The following RPS6KC1 variants were observed in gnomAD, a reference collection of about 807,000 sequenced individuals.
RPS6KC1 encodes inactive ribosomal protein S6 kinase delta-1.
Under a neutral mutation model 103.8 loss-of-function variants are expected in RPS6KC1, and 54 were observed. The observed-to-expected ratio is 0.52, with a 90% CI of 0.42 to 0.65. The LOEUF is 0.65. Ranked by LOEUF, RPS6KC1 falls within the 30% of genes least tolerant of loss-of-function variation. The pLI is 0.00. For missense variants in RPS6KC1, 1,151 were observed against 1,253.8 expected (o/e 0.92, Z 1.24); for synonymous variants, 439 against 438.7 (o/e 1.00, Z -0.01).
At chr1:213,100,331 C>G (rs957391961) in intron 3 of RPS6KC1, among the ~76,000 whole-genome samples, 3 of 151,960 alleles carry the variant, frequency 2.0e-5, no homozygotes, top group Non-Finnish European at 4.4e-5. Context: ...ATCTTAGACA[C>G]CAGTCGTTTG....
At chr1:213,595,302 C>T in the RPS6KC1 span, among the ~76,000 whole-genome samples, 1 of 152,180 alleles carries the variant, frequency 6.6e-6, no homozygotes, top group Non-Finnish European at 1.5e-5. Flanking sequence ...TTTCCACCTC[C>T]AACCATTATA....
At chr1:213,405,778 T>C in the RPS6KC1 span, among the ~76,000 whole-genome samples, 2 of 152,172 alleles carry the variant, frequency 1.3e-5, no homozygotes, top group African/African-American at 2.4e-5. Context: ...TGCCCATCTT[T>C]CCTCTTGTAT....
the RPS6KC1 span, among the ~76,000 whole-genome samples, chr1:213,380,496 T>TA: frequency 1.3e-5 from 2 of 151,658 alleles, no homozygotes; most frequent in Non-Finnish European, 2.9e-5. Context: ...AAATAAAAGT[T>TA]AAAAAAAAGA....
At chr1:213,255,172 T>A (rs2094613565) in intron 12 of RPS6KC1, among the ~76,000 whole-genome samples, 1 of 151,642 alleles carries the variant, frequency 6.6e-6, no homozygotes, top group South Asian at 2.1e-4. Context: ...CCAAGTGTGG[T>A]CCCATGCCTG....
At chr1:213,567,489 T>G in the RPS6KC1 span, among the ~76,000 whole-genome samples, 7 of 152,250 alleles carry the variant, frequency 4.6e-5, no homozygotes, top group Non-Finnish European at 4.4e-5. Context: ...ACTCTAGTTT[T>G]CAGTTCTCCC....
At chr1:213,199,296 G>A (rs1157520666) in intron 8 of RPS6KC1, among the ~76,000 whole-genome samples, 2 of 152,102 alleles carry the variant, frequency 1.3e-5, no homozygotes, top group Admixed American at 6.6e-5. Context: ...TATCCACCAC[G>A]ATCAAGTAGG....
At chr1:213,180,076 T>C (rs765405668) in intron 8 of RPS6KC1, among the ~76,000 whole-genome samples, 1 of 152,182 alleles carries the variant, frequency 6.6e-6, no homozygotes, top group Non-Finnish European at 1.5e-5. Context: ...GTTCTTCAAT[T>C]GGGATTATAA....
chr1:213,221,925 T>C (rs185764493), intron 8 of RPS6KC1, among the ~76,000 whole-genome samples: 2 of 152,356 alleles, frequency 1.3e-5, no homozygotes, highest in Admixed American at 1.3e-4. Flanking sequence ...CTGGTAGATT[T>C]GGTCTGTTTT....
At chr1:213,082,191 C>A (rs1040439274) in intron 3 of RPS6KC1, among the ~76,000 whole-genome samples, 1 of 151,810 alleles carries the variant, frequency 6.6e-6, no homozygotes, top group East Asian at 1.9e-4. Context: ...GAGGCGTAGT[C>A]GGGCAGATCA....
intron 6 of RPS6KC1, among the ~76,000 whole-genome samples, chr1:213,152,058 AC>A (rs1224480619): frequency 1.6e-5 from 2 of 122,996 alleles, no homozygotes; most frequent in Non-Finnish European, 3.4e-5. Flanking sequence ...CGGGGGGCTA[AC>A]CCCCCCACCT....
intron 1 of RPS6KC1, among the ~76,000 whole-genome samples, chr1:213,055,332 T>G (rs1453956232): frequency 6.6e-6 from 1 of 152,216 alleles, no homozygotes; most frequent in East Asian, 1.9e-4. Flanking sequence ...CACTTTTTTT[T>G]TTTGGTCTGG....
the RPS6KC1 span, among the ~76,000 whole-genome samples, chr1:213,755,296 G>A: frequency 6.6e-6 from 1 of 152,288 alleles, no homozygotes; most frequent in South Asian, 2.1e-4. Flanking sequence ...GCAACTGAAG[G>A]CTCCATGTCT....
At chr1:213,514,325 A>C in the RPS6KC1 span, among the ~76,000 whole-genome samples, 1 of 151,504 alleles carries the variant, frequency 6.6e-6, no homozygotes, top group Admixed American at 6.6e-5. Context: ...GGTGTGCTGC[A>C]CCCATTAACT....
the RPS6KC1 span, among the ~76,000 whole-genome samples, chr1:213,805,961 G>A: frequency 6.6e-6 from 1 of 152,182 alleles, no homozygotes; most frequent in Non-Finnish European, 1.5e-5. Flanking sequence ...TGAATAACCA[G>A]GTGCATTGTT....
chr1:213,710,416 C>T, the RPS6KC1 span, among the ~76,000 whole-genome samples: 7 of 152,086 alleles, frequency 4.6e-5, no homozygotes, highest in South Asian at 2.1e-4. Context: ...TGTCTTTGCA[C>T]GTGAGATGAG....
intron 8 of RPS6KC1, among the ~76,000 whole-genome samples, chr1:213,183,036 A>G (rs2092359730): frequency 6.6e-6 from 1 of 151,750 alleles, no homozygotes; most frequent in Admixed American, 6.6e-5. Flanking sequence ...ATATTAATAC[A>G]AGATAAAATA....
At chr1:213,312,035 C>T in the RPS6KC1 span, among the ~76,000 whole-genome samples, 2 of 151,950 alleles carry the variant, frequency 1.3e-5, no homozygotes, top group African/African-American at 4.8e-5. Context: ...GTAGCTGAGA[C>T]TACAGGTGTG....
rs79209893 is a variant in RPS6KC1, at chr1:213,204,190, G to A, written c.1045-26307G>A. 1.3e-4 allele frequency among the ~76,000 whole-genome samples: 20 copies of A among 152,292 alleles called. No homozygotes were observed. In the East Asian group the frequency reaches 3.7e-3, roughly 28 times the overall value. On this transcript the variant is annotated intron_variant, in intron 8 of 14. Coordinates refer to ENST00000366960, the MANE Select transcript of RPS6KC1 (RefSeq NM_012424.6). ...GTGTTCATGGTTTTTCTTTATGTCT[G>A]ATATCTGTGTGTACATAGCAGGCAT...
At chr1:213,643,619 C>G in the RPS6KC1 span, among the ~76,000 whole-genome samples, 1 of 151,638 alleles carries the variant, frequency 6.6e-6, no homozygotes, top group Non-Finnish European at 1.5e-5. Flanking sequence ...TATTCCCCTC[C>G]CTCCCTCAAC....
Sources: allele counts gnomAD v4.1 joint callset (sites outside exome capture counted in the v4.1 genomes callset), GRCh38; gene constraint gnomAD v4.1.1; transcripts MANE v1.5; gene names NCBI Gene and HGNC (gene_info 2026-07-23, HGNC 2026-07-21).